RNFT2: variants seen among roughly 807,000 people sequenced by gnomAD.
RNFT2 encodes the protein E3 ubiquitin-protein ligase RNFT2.
Under a neutral mutation model 53.0 loss-of-function variants are expected in RNFT2, and 36 were observed. The observed-to-expected ratio is 0.68, with a 90% CI of 0.52 to 0.90. The LOEUF (loss-of-function observed/expected upper bound fraction) is 0.90. Among genes scored for constraint, RNFT2 ranks in the 40% least tolerant of loss-of-function variants. The pLI, the probability that RNFT2 is intolerant of heterozygous loss-of-function variation, is 0.00. For synonymous variants in RNFT2, 260 were observed against 253.2 expected (o/e 1.03, Z -0.26); for missense variants, 514 against 585.6 (o/e 0.88, Z 1.26).
chr12:116,798,596 A>G (rs555521176), intron 7 of RNFT2, among the ~76,000 whole-genome samples: 2 of 152,182 alleles, frequency 1.3e-5, no homozygotes, highest in East Asian at 3.9e-4. Flanking sequence ...TTTTTGAGAC[A>G]GAGTCTCTGT....
intron 3 of RNFT2, among the ~76,000 whole-genome samples, chr12:116,749,328 A>G (rs1282056717): frequency 7.8e-6 from 1 of 128,688 alleles, no homozygotes; most frequent in Non-Finnish European, 1.6e-5. Flanking sequence ...CCCAGGCTGG[A>G]GTGCAGTGGC....
intron 7 of RNFT2, among the ~76,000 whole-genome samples, chr12:116,784,174 G>T (rs1361670082): frequency 3.9e-5 from 6 of 152,238 alleles, no homozygotes; most frequent in Admixed American, 3.9e-4. Flanking sequence ...ACTGCACGGG[G>T]CATTGTACAG....
At position 116,851,971 on chromosome 12, in the gene RNFT2, G is replaced by A. The variant is rs1341219994; in HGVS notation, c.*2523G>A. The A allele has an allele frequency of 6.7e-7, 1 of 1,502,404 alleles. No individual in the cohort carries two copies. Among genetic ancestry groups the A allele is most frequent in the Non-Finnish European group, 8.8e-7 (1 of 1,133,136 alleles). The allele number at this position is 1,502,404 out of a possible 1,614,324, so 93.1% of individuals were successfully genotyped here. On this transcript the variant is annotated 3_prime_UTR_variant, in exon 11 of 11. Coordinates refer to ENST00000257575, the MANE Select transcript of RNFT2 (RefSeq NM_001382266.1). ...CTTCAGAGCAAACAGGACAACCTAT[G>A]TTATGGATGTTTCCACCAACCAGGG...
rs993364492 is a variant in RNFT2, at chr12:116,756,016, C to T, written c.627+1956C>T. 9.7e-6 allele frequency: 6 copies of T among 616,948 alleles called. No homozygotes were observed. The South Asian group carries it at 1.2e-4, about 12-fold the overall frequency. The allele number at this position is 616,948 out of a possible 1,614,324, so 38.2% of individuals were successfully genotyped here. ...GGTAGTGTGATGCCTCCAGCTTTTT[C>T]TTTTTGCTTAGTCTTGCTTCAGTTA... is the stretch of plus-strand genomic sequence containing the variant. On this transcript the variant is annotated intron_variant, in intron 5 of 10. Transcript: ENST00000257575.
rs551513372 is a variant in RNFT2 at position 116,758,282 on chromosome 12, T to C, written c.627+4222T>C. Among the ~76,000 whole-genome samples the C allele has an allele frequency of 1.1e-4, 16 of 152,372 alleles. No individual in the cohort carries two copies. The South Asian group carries it at 1.7e-3, about 16-fold the overall frequency. On this transcript the variant is annotated intron_variant, in intron 5 of 10. Transcript: ENST00000257575. ...TGAGTTCTTATCTATTCTGTGATTCTGTGTCTTTTAAGTGGAGCATTTAGG... is the reference window on the plus strand; with the variant it reads ...TGAGTTCTTATCTATTCTGTGATTCCGTGTCTTTTAAGTGGAGCATTTAGG...
chr12:116,757,259 T>G (rs536533073), intron 5 of RNFT2, among the ~76,000 whole-genome samples: 6 of 152,308 alleles, frequency 3.9e-5, no homozygotes, highest in Admixed American at 3.9e-4. Flanking sequence ...GTTTTATTTA[T>G]CTTTTCAAAG....
intron 7 of RNFT2, among the ~76,000 whole-genome samples, chr12:116,806,573 CCTT>C (rs1875091431): frequency 6.6e-6 from 1 of 151,556 alleles, no homozygotes; most frequent in Non-Finnish European, 1.5e-5. Context: ...TAGTGAGACA[CCTT>C]CTCTATAAAA....
intron 7 of RNFT2, chr12:116,782,079 CAAAAAA>C (rs541955499): frequency 2.9e-5 from 1 of 34,348 alleles, no homozygotes; most frequent in African/African-American, 1.0e-4. Context: ...ACTCCGTCTC[CAAAAAA>C]AAAAAAAAAT....
At chr12:116,788,929 T>C (rs1373933004) in intron 7 of RNFT2, among the ~76,000 whole-genome samples, 1 of 127,808 alleles carries the variant, frequency 7.8e-6, no homozygotes, top group African/African-American at 3.1e-5. Context: ...GGTGGATGGA[T>C]GGATGGATAG....
chr12:116,754,967 CTG>C (rs1872436162), intron 5 of RNFT2, among the ~76,000 whole-genome samples: 1 of 152,186 alleles, frequency 6.6e-6, no homozygotes, highest in African/African-American at 2.4e-5. Flanking sequence ...GTTCCTTTTG[CTG>C]TGCAAAAGCT....
chr12:116,774,251 T>G (rs1873325780), intron 6 of RNFT2, among the ~76,000 whole-genome samples: 2 of 152,206 alleles, frequency 1.3e-5, no homozygotes, highest in South Asian at 4.1e-4. Context: ...GTGAATGTAC[T>G]TAGCATCATT....
intron 10 of RNFT2, among the ~76,000 whole-genome samples, chr12:116,844,662 T>C (rs1229174387): frequency 1.3e-5 from 2 of 152,192 alleles, no homozygotes; most frequent in African/African-American, 2.4e-5. Flanking sequence ...TTAAAAAATA[T>C]AAAGGGGTCT....
intron 10 of RNFT2, among the ~76,000 whole-genome samples, chr12:116,839,429 A>G (rs112948240): frequency 5.1e-3 from 93 of 18,124 alleles, no homozygotes; most frequent in African/African-American, 8.8e-3. Context: ...GGGTGGGTGG[A>G]TGGATGGATG....
chr12:116,852,355 C>G lies in RNFT2; in HGVS notation c.*2907C>G. 7.8e-7 allele frequency: 1 copy of G among 1,279,730 alleles called. No homozygotes were observed. Among genetic ancestry groups the G allele is most frequent in the Non-Finnish European group, 9.9e-7 (1 of 1,008,904 alleles). 79.3% of individuals were successfully genotyped at this position (1,279,730 alleles called of 1,614,324 possible). A position where few individuals can be genotyped will look rare whatever the true frequency, so the allele number is the denominator to read the frequency against. The stretch of plus-strand genomic sequence containing the variant: ...CGCCGTAGATTCAGGACATTTGCCC[C>G]TGTGTGCCACCAAACCAGGACTTTC... On this transcript the variant is annotated 3_prime_UTR_variant, in exon 11 of 11. Coordinates refer to ENST00000257575, the MANE Select transcript of RNFT2 (RefSeq NM_001382266.1).
intron 7 of RNFT2, among the ~76,000 whole-genome samples, chr12:116,820,600 T>C (rs541134636): frequency 1.3e-5 from 2 of 152,234 alleles, no homozygotes; most frequent in Admixed American, 6.5e-5. Context: ...TCTACCCCCA[T>C]AGCTTGTATC....
chr12:116,759,131 C>G (rs1872602826), intron 5 of RNFT2, among the ~76,000 whole-genome samples: 1 of 152,100 alleles, frequency 6.6e-6, no homozygotes, highest in Non-Finnish European at 1.5e-5. Flanking sequence ...TTTCTTTCTT[C>G]TACTTGTTCA....
At chr12:116,769,274 C>T (rs1166269035) in intron 6 of RNFT2, among the ~76,000 whole-genome samples, 1 of 152,072 alleles carries the variant, frequency 6.6e-6, no homozygotes, top group Non-Finnish European at 1.5e-5. Flanking sequence ...CAGAGAATTG[C>T]TTGGACCCGG....
chr12:116,830,907 C>CA (rs1181415958), intron 7 of RNFT2, among the ~76,000 whole-genome samples: 3,221 of 117,944 alleles, frequency 0.027, 58 homozygotes, highest in Middle Eastern at 0.043. Flanking sequence ...GACTCCGTCT[C>CA]AAAAAAAAAA....
At position 116,833,788 on chromosome 12, in the gene RNFT2, G is replaced by T. The variant is rs1328642482; in HGVS notation, c.883-4G>T. On this transcript the variant is annotated splice_region_variant and splice_polypyrimidine_tract_variant and intron_variant, in intron 7 of 10. Coordinates refer to ENST00000257575, the MANE Select transcript of RNFT2 (RefSeq NM_001382266.1). ...AATAATTGATGTTCTCTGTGTGGTTGCAGGGAAAGTTCTATCTGGTCATCG... is the reference window on the plus strand; with the variant it reads ...AATAATTGATGTTCTCTGTGTGGTTTCAGGGAAAGTTCTATCTGGTCATCG... 6.2e-7 allele frequency: 1 copy of T among 1,613,032 alleles called. No homozygotes were observed. Among genetic ancestry groups the T allele is most frequent in the South Asian group, 1.1e-5 (1 of 90,874 alleles).
Sources: gnomAD v4.1 joint callset for allele counts (sites outside exome capture counted in the v4.1 genomes callset) on GRCh38, gnomAD v4.1.1 for gene constraint, MANE v1.5 for transcripts, NCBI Gene and HGNC (gene_info 2026-07-23, HGNC 2026-07-21) for gene names.